Variants in FGFR3 observed in about 807,000 individuals in gnomAD.
FGFR3 encodes fibroblast growth factor receptor 3, also known as FGFR-3.
A neutral mutation model predicts 82.9 loss-of-function variants in FGFR3; 25 were observed. The ratio of observed to expected loss-of-function variants is 0.30; its 90% CI spans 0.22 to 0.42. FGFR3 has a LOEUF of 0.42. FGFR3 is among the 10% of genes least tolerant of loss of function. The pLI is 1.00. For missense variants in FGFR3, 1,026 were observed against 1,161.0 expected, an observed-to-expected ratio of 0.88 and a Z score of 1.69; for synonymous variants, 620 against 516.0, an observed-to-expected ratio of 1.20 and a Z score of -2.73.
chr4:1,803,143 C>T (rs1394712614), intron 7 of FGFR3: 57 of 1,392,754 alleles, frequency 4.1e-5, no homozygotes, highest in Non-Finnish European at 5.1e-5. Flanking sequence ...ACGCCCCGCA[C>T]GCCCAGCCCT....
intron 1 of FGFR3, 118 bp from the exon 2 acceptor site, chr4:1,793,715 G>T (rs915078175): frequency 6.6e-6 from 1 of 151,764 alleles, no homozygotes; most frequent in Admixed American, 6.6e-5. Context: ...GGGAGCCCTG[G>T]GCGGCGGCGG....
At chr4:1,798,536 A>G (rs890679185) in intron 2 of FGFR3, among the ~76,000 whole-genome samples, 3 of 81,192 alleles carry the variant, frequency 3.7e-5, no homozygotes, top group Non-Finnish European at 8.0e-5. Context: ...AGGAGCCCCC[A>G]CCCCCGCCCC....
intron 7 of FGFR3, chr4:1,802,764 C>A: frequency 1.0e-6 from 1 of 986,800 alleles, no homozygotes; most frequent in Non-Finnish European, 1.4e-6. Flanking sequence ...ACCACAGCCA[C>A]CGTGAAGTGC....
Position 1,801,428 on chromosome 4 carries a change from C to T in FGFR3, c.507C>T (p.Ala169=), listed in dbSNP as rs1248882528. 17 of 1,552,800 alleles carry T rather than the reference C, an allele frequency of 1.1e-5. No homozygotes were observed. Among genetic ancestry groups the T allele is most frequent in the Non-Finnish European group, 1.5e-5 (17 of 1,148,790 alleles). The part of the protein sequence containing the change: ...MDKKLLAVPA[A]NTVRFRCPAA... ...AGAAGCTGCTGGCCGTGCCGGCCGCCAACACCGTCCGCTTCCGCTGCCCAG... is the reference window on the plus strand; with the variant it reads ...AGAAGCTGCTGGCCGTGCCGGCCGCTAACACCGTCCGCTTCCGCTGCCCAG... The change falls in exon 5 of 18, where the codon GCC becomes GCT. Residue 169 remains alanine (A), a synonymous_variant. Transcript: ENST00000440486.
At chr4:1,803,059 G>T in intron 7 of FGFR3, 1 of 1,594,994 alleles carries the variant, frequency 6.3e-7, no homozygotes, top group Non-Finnish European at 8.5e-7. Flanking sequence ...CACGGGCCCC[G>T]AGCAGGTAAC....
At chr4:1,799,209 CG>C (rs1286569155) in intron 2 of FGFR3, 44 bp from the exon 3 acceptor site, 1 of 1,610,832 alleles carries the variant, frequency 6.2e-7, no homozygotes, top group African/African-American at 1.3e-5. Context: ...TAAACGGTGC[CG>C]GGTTTGGGGG....
rs1490071446 is a variant in FGFR3 at position 1,806,104 on chromosome 4, G to C, written c.1890G>C (p.Val630=). The part of the protein sequence containing the change: ...ARNVLVTEDN[V]MKIADFGLAR... ...ATGTGCTGGTGACCGAGGACAACGT[G>C]ATGAAGATCGCAGACTTCGGGCTGG... The change falls in exon 14 of 18, where the codon GTG becomes GTC. Residue 630 remains valine, a synonymous_variant. Coordinates refer to ENST00000440486, the MANE Select transcript of FGFR3 (RefSeq NM_000142.5). 1.2e-6 allele frequency: 2 copies of C among 1,613,562 alleles called. No homozygotes were observed. Among genetic ancestry groups the C allele is most frequent in the African/African-American group, 2.7e-5 (2 of 74,938 alleles).
At position 1,801,358 on chromosome 4, in the gene FGFR3, G is replaced by A; in HGVS notation, c.446-9G>A. ...GGGTCATGGCCTTCACACGCACCTCGGCCCGCAGGGGCCCCTTACTGGACA... is the reference window on the plus strand; with the variant it reads ...GGGTCATGGCCTTCACACGCACCTCAGCCCGCAGGGGCCCCTTACTGGACA... On this transcript the variant is annotated splice_polypyrimidine_tract_variant and intron_variant, in intron 4 of 17. Coordinates refer to ENST00000440486, the MANE Select transcript of FGFR3 (RefSeq NM_000142.5). 1.0e-5 allele frequency: 16 copies of A among 1,550,742 alleles called. No homozygotes were observed. Among genetic ancestry groups the A allele is most frequent in the Non-Finnish European group, 1.4e-5 (16 of 1,149,776 alleles).
Position 1,804,448 on chromosome 4 carries a change from G to A in FGFR3, c.1194G>A (p.Leu398=), listed in dbSNP as rs2108797653. 2.5e-6 allele frequency: 4 copies of A among 1,612,874 alleles called. No homozygotes were observed. Among genetic ancestry groups the A allele is most frequent in the South Asian group, 1.1e-5 (1 of 91,016 alleles). Residue 398 remains leucine, a synonymous_variant, in exon 9 of 18, where the codon CTG becomes CTA. Transcript: ENST00000440486. The stretch of plus-strand genomic sequence containing the variant: ...TGGCGGCTGTGACGCTCTGCCGCCT[G>A]CGCAGCCCCCCCAAGAAAGGCCTGG... ...LVVAAVTLCR[L]RSPPKKGLGS...
intron 7 of FGFR3, chr4:1,802,969 C>G (rs746829612): frequency 6.2e-7 from 1 of 1,600,936 alleles, no homozygotes. Context: ...GCCAATGTGT[C>G]GGAGCGGGAC....
In FGFR3 at chr4:1,805,344, T is replaced by C. The variant is rs1721752232; in HGVS notation, c.1413-11T>C. ...TTTGCACACTCATGGTCCCTCTGCCTCCACTGCCAGGCTGACCCTGGGCAA... is the reference window on the plus strand; with the variant it reads ...TTTGCACACTCATGGTCCCTCTGCCCCCACTGCCAGGCTGACCCTGGGCAA... On this transcript the variant is annotated splice_polypyrimidine_tract_variant and intron_variant, in intron 10 of 17. Transcript: ENST00000440486. 1 of 1,610,866 alleles carries C rather than the reference T, an allele frequency of 6.2e-7. No homozygotes were observed. The highest frequency in any genetic ancestry group is 1.1e-5 in the South Asian group (1 of 91,020).
chr4:1,807,137 C>T lies in FGFR3; in HGVS notation c.2296C>T (p.Pro766Ser), dbSNP rs2108817125. ...GCAGGAGTACCTGGACCTGTCGGCG[C>T]CTTTCGAGCAGTACTCCCCGGGTGG... The part of the protein sequence containing the change: ...STDEYLDLSA[P>S]FEQYSPGGQD... Residue 766 changes from proline to serine, a missense_variant, in exon 18 of 18, where the codon CCT (proline) becomes TCT (serine). Coordinates refer to ENST00000440486, the MANE Select transcript of FGFR3 (RefSeq NM_000142.5). The T allele has an allele frequency of 1.3e-6, 2 of 1,592,994 alleles. No individual in the cohort carries two copies. Among genetic ancestry groups the T allele is most frequent in the African/African-American group, 1.3e-5 (1 of 74,576 alleles).
intron 2 of FGFR3, among the ~76,000 whole-genome samples, chr4:1,795,620 G>A (rs544205706): frequency 1.3e-5 from 2 of 152,350 alleles, no homozygotes; most frequent in East Asian, 1.9e-4. Flanking sequence ...GGCTCGCAGG[G>A]GTCAAGGGCG....
At position 1,807,717 on chromosome 4, in the gene FGFR3, C is replaced by T. The variant is rs1315577691; in HGVS notation, c.*455C>T. On this transcript the variant is annotated 3_prime_UTR_variant, in exon 18 of 18. Transcript: ENST00000440486. ...GCAGGGAAGCCCCACATGTCCAGCACCTTGTGCCTGGGGTGTTAGTGGCAC... is the reference window on the plus strand; with the variant it reads ...GCAGGGAAGCCCCACATGTCCAGCATCTTGTGCCTGGGGTGTTAGTGGCAC... 2 of 611,696 alleles carry T rather than the reference C, an allele frequency of 3.3e-6. No individual in the cohort carries two copies. Among genetic ancestry groups the T allele is most frequent in the African/African-American group, 1.8e-5 (1 of 56,324 alleles). The allele number at this position is 611,696 out of a possible 1,614,324, so 37.9% of individuals were successfully genotyped here.
In FGFR3 at chr4:1,806,132, C is replaced by A. The variant is rs2108807225; in HGVS notation, c.1918C>A (p.Arg640=). 2 of 1,613,188 alleles carry A rather than the reference C, an allele frequency of 1.2e-6. No homozygotes were observed. The highest frequency in any genetic ancestry group is 1.7e-6 in the Non-Finnish European group (2 of 1,179,778). The part of the protein sequence containing the change: ...VMKIADFGLA[R]DVHNLDYYKK... ...GAAGATCGCAGACTTCGGGCTGGCC[C>A]GGGACGTGCACAACCTCGACTACTA... The change falls in exon 14 of 18, where the codon CGG becomes AGG. Residue 640 remains arginine (R), a synonymous_variant. Transcript: ENST00000440486.
intron 7 of FGFR3, chr4:1,803,121 C>A (rs572780030): frequency 1.4e-6 from 2 of 1,468,370 alleles, no homozygotes; most frequent in Middle Eastern, 3.7e-4. Flanking sequence ...AGGCCCTGGC[C>A]GCGCGCCCTG....
In FGFR3 at chr4:1,805,811, G is replaced by A. The variant is rs778065218; in HGVS notation, c.1707G>A (p.Ala569=). Residue 569 remains alanine (A), a synonymous_variant, in exon 13 of 18, where the codon GCG becomes GCA. Transcript: ENST00000440486. Reference sequence around the variant, plus strand: ...GTAACCTGCGGGAGTTTCTGCGGGCGCGGCGGCCCCCGGGCCTGGACTACT... The same window carrying A: ...GTAACCTGCGGGAGTTTCTGCGGGCACGGCGGCCCCCGGGCCTGGACTACT... ...AKGNLREFLR[A]RRPPGLDYSF... The A allele has an allele frequency of 2.1e-5, 34 of 1,612,390 alleles. No individual in the cohort carries two copies. Among genetic ancestry groups the A allele is most frequent in the East Asian group, 2.2e-5 (1 of 44,886 alleles).
At chr4:1,795,139 C>T (rs984536288) in intron 2 of FGFR3, among the ~76,000 whole-genome samples, 7 of 151,874 alleles carry the variant, frequency 4.6e-5, no homozygotes, top group Admixed American at 2.0e-4. Context: ...ATGAAAGTGG[C>T]CCGGCGCTTG....
intron 3 of FGFR3, 98 bp downstream of exon 3, chr4:1,799,621 T>G: frequency 6.4e-7 from 1 of 1,551,084 alleles, no homozygotes; most frequent in Non-Finnish European, 8.7e-7. Context: ...TCTCTGGTCA[T>G]TGGTGGAGAG....
Sources: gnomAD v4.1 joint callset for allele counts (sites outside exome capture counted in the v4.1 genomes callset) on GRCh38, gnomAD v4.1.1 for gene constraint, MANE v1.5 for transcripts, NCBI Gene and HGNC (gene_info 2026-07-23, HGNC 2026-07-21) for gene names.